Variants in PCDHGB1 observed in about 807,000 individuals in gnomAD.
The protein encoded by PCDHGB1 is protocadherin gamma-B1.
PCDHGB1 carries 34 observed loss-of-function variants against 56.6 expected under a neutral mutation model. The ratio of observed to expected loss-of-function variants is 0.60; its 90% confidence interval spans 0.46 to 0.80. The LOEUF is 0.80. Among genes scored for constraint, PCDHGB1 ranks in the 30% least tolerant of loss-of-function variants. The pLI, the probability that PCDHGB1 is intolerant of heterozygous loss-of-function variation, is 0.00. For synonymous variants in PCDHGB1, 561 were observed against 505.9 expected, an observed-to-expected ratio of 1.11 and a Z score of -1.46; for missense variants, 1,278 against 1,204.6, an observed-to-expected ratio of 1.06 and a Z score of -0.90.
intron 1 of PCDHGB1, chr5:141,478,684 T>C: frequency 6.4e-7 from 1 of 1,551,340 alleles, no homozygotes; most frequent in Non-Finnish European, 8.7e-7. Flanking sequence ...TGGCCCTTCC[T>C]AGATCAAAGT....
Position 141,478,294 on chromosome 5 carries a change from A to G in PCDHGB1, c.2410-16513A>G, listed in dbSNP as rs147994096. The G allele has an allele frequency of 3.6e-3, 5,805 of 1,614,110 alleles. 30 individuals are homozygous for G. Among genetic ancestry groups the G allele is most frequent in the Non-Finnish European group, 3.4e-3 (4,026 of 1,180,032 alleles). The stretch of plus-strand genomic sequence containing the variant: ...ACAAGTGGAAGCAGTCTAGAGACCT[A>G]TACCGAGCCCCGGTGAGCTCACTGT... On this transcript the variant is annotated intron_variant, in intron 1 of 3. Coordinates refer to ENST00000523390, the MANE Select transcript of PCDHGB1 (RefSeq NM_018922.3).
intron 1 of PCDHGB1, chr5:141,393,590 G>A: frequency 1.2e-6 from 2 of 1,613,896 alleles, no homozygotes; most frequent in South Asian, 2.2e-5. Flanking sequence ...CCCCAGGCAC[G>A]CGGCTGCTTA....
At chr5:141,475,889 T>C in intron 1 of PCDHGB1, 1 of 562,248 alleles carries the variant, frequency 1.8e-6, no homozygotes, top group Non-Finnish European at 3.1e-6. Context: ...GCTGGGACTC[T>C]GTGTGCCGCT....
chr5:141,420,335 A>G (rs2096490280), intron 1 of PCDHGB1: 1 of 1,403,918 alleles, frequency 7.1e-7, no homozygotes, highest in Non-Finnish European at 9.5e-7. Flanking sequence ...ATATTCCAAT[A>G]TAGTGGTATT....
chr5:141,453,732 C>T (rs182118864), intron 1 of PCDHGB1, among the ~76,000 whole-genome samples: 9 of 152,332 alleles, frequency 5.9e-5, no homozygotes. Context: ...TTTGTTACTA[C>T]AGCTTAAATA....
intron 1 of PCDHGB1, among the ~76,000 whole-genome samples, chr5:141,445,834 T>G (rs1310067225): frequency 6.6e-6 from 1 of 152,218 alleles, no homozygotes; most frequent in Middle Eastern, 3.2e-3. Context: ...GGGAGAGCCT[T>G]GTAAATCACA....
rs149553852 is a variant in PCDHGB1 at position 141,415,009 on chromosome 5, C to T, written c.2409+62340C>T. On this transcript the variant is annotated intron_variant, in intron 1 of 3. Coordinates refer to ENST00000523390, the MANE Select transcript of PCDHGB1 (RefSeq NM_018922.3). ...CCAGAACGCCTGGCTGTCCTACCGT[C>T]TGCTCAAGGCCAGCGAGCCGGGACT... 1.9e-3 allele frequency: 3,040 copies of T among 1,613,658 alleles called. 49 individuals are homozygous for T. In the African/African-American group the frequency reaches 0.033, roughly 18 times the overall value.
chr5:141,370,490 G>C (rs780342479), intron 1 of PCDHGB1: 2 of 1,613,894 alleles, frequency 1.2e-6, no homozygotes, highest in South Asian at 1.1e-5. Flanking sequence ...TCTCCGAACC[G>C]ATCCGCTACG....
intron 1 of PCDHGB1, among the ~76,000 whole-genome samples, chr5:141,420,650 A>G (rs2096512866): frequency 6.6e-6 from 1 of 152,244 alleles, no homozygotes; most frequent in Non-Finnish European, 1.5e-5. Context: ...TGTAAGAATT[A>G]TAGTTAGGCA....
chr5:141,423,514 G>T (rs1208270970), intron 1 of PCDHGB1: 2 of 1,613,812 alleles, frequency 1.2e-6, no homozygotes, highest in Non-Finnish European at 1.7e-6. Flanking sequence ...TCTCATTGCG[G>T]ACTCGCAGAA....
intron 1 of PCDHGB1, chr5:141,362,464 G>A: frequency 3.1e-6 from 5 of 1,614,038 alleles, no homozygotes; most frequent in Non-Finnish European, 3.4e-6. Context: ...ATTGGTTCCC[G>A]CGCAAGATCT....
In PCDHGB1 at chr5:141,476,348, G is replaced by T. The variant is rs764669470; in HGVS notation, c.2410-18459G>T. On this transcript the variant is annotated intron_variant, in intron 1 of 3. Transcript: ENST00000523390. This position sits in a 1 kb window ranked among gnomAD's most constrained non-coding sequence, Gnocchi z 7.6. ...GTCTGGAGCTAGCCGAAGATTCTTTGAGGTGAACCGGGAGACCGGAGAGAT... is the reference window on the plus strand; with the variant it reads ...GTCTGGAGCTAGCCGAAGATTCTTTTAGGTGAACCGGGAGACCGGAGAGAT... 1 of 1,614,190 alleles carries T rather than the reference G, an allele frequency of 6.2e-7. No individual in the cohort carries two copies. The highest frequency in any genetic ancestry group is 8.5e-7 in the Non-Finnish European group (1 of 1,180,032).
intron 1 of PCDHGB1, chr5:141,371,732 C>T: frequency 1.9e-6 from 3 of 1,614,046 alleles, no homozygotes; most frequent in Non-Finnish European, 2.5e-6. Flanking sequence ...TTGATGTCAA[C>T]GACAACGTTC....
intron 1 of PCDHGB1, among the ~76,000 whole-genome samples, chr5:141,475,620 G>A (rs2154572702): frequency 6.6e-6 from 1 of 152,238 alleles, no homozygotes; most frequent in Admixed American, 6.5e-5. Flanking sequence ...TTTTCGGTTT[G>A]GTTCGATCCC....
chr5:141,433,514 G>C (rs1330494451), intron 1 of PCDHGB1, among the ~76,000 whole-genome samples: 1 of 152,016 alleles, frequency 6.6e-6, no homozygotes, highest in East Asian at 1.9e-4. Context: ...GATTACAGGC[G>C]TGAACCACAG....
chr5:141,482,588 C>T (rs559327092), intron 1 of PCDHGB1, among the ~76,000 whole-genome samples: 3 of 147,192 alleles, frequency 2.0e-5, no homozygotes, highest in Admixed American at 6.8e-5. Context: ...GCAGTGGGAC[C>T]AAACGGGAAA....
chr5:141,409,278 A>C, intron 1 of PCDHGB1: 1 of 1,614,022 alleles, frequency 6.2e-7, no homozygotes, highest in Non-Finnish European at 8.5e-7. Flanking sequence ...ATTTTGGAGA[A>C]TTCACCTCCA....
chr5:141,433,122 G>C (rs1442464320), intron 1 of PCDHGB1: 1 of 1,614,134 alleles, frequency 6.2e-7, no homozygotes, highest in Admixed American at 1.7e-5. Flanking sequence ...TTTGAAAAAA[G>C]CGAGCCCCTT....
rs73265846 is a variant in PCDHGB1, at chr5:141,370,853, C to T, written c.2409+18184C>T. 1,195 of 1,614,040 alleles carry T rather than the reference C, an allele frequency of 7.4e-4. 6 individuals carry two copies. In the African/African-American group the frequency reaches 0.014, roughly 19 times the overall value. On this transcript the variant is annotated intron_variant, in intron 1 of 3. Coordinates refer to ENST00000523390, the MANE Select transcript of PCDHGB1 (RefSeq NM_018922.3). ...TGGCTCTCACTGGAGCCACATTTGC[C>T]CTGGAATCTGCGCAAGATCCTGATG...
Sources: gnomAD v4.1 joint callset for allele counts (sites outside exome capture counted in the v4.1 genomes callset) on GRCh38, gnomAD v4.1.1 for gene constraint, Gnocchi (gnomAD v3.1) non-coding constraint, MANE v1.5 for transcripts, NCBI Gene and HGNC (gene_info 2026-07-23, HGNC 2026-07-21) for gene names.